The following UNC13C variants were observed in gnomAD, a reference collection of about 807,000 sequenced individuals.
UNC13C encodes the protein unc-13 homolog C.
Under a neutral mutation model 245.4 loss-of-function variants are expected in UNC13C, and 174 were observed. That is an observed-to-expected ratio of 0.71 (90% CI 0.63 to 0.80). The LOEUF (loss-of-function observed/expected upper bound fraction) is 0.80. UNC13C is among the 30% of genes least tolerant of loss of function. The pLI is 0.00. For synonymous variants in UNC13C, 992 were observed against 895.1 expected (o/e 1.11, Z -1.93); for missense variants, 2,829 against 2,602.9 (o/e 1.09, Z -1.89).
intron 22 of UNC13C, among the ~76,000 whole-genome samples, chr15:54,505,786 A>G (rs1361838289): frequency 7.7e-6 from 1 of 129,420 alleles, no homozygotes; most frequent in Admixed American, 9.3e-5. Context: ...TCTGTCGCCC[A>G]GGCTGGATAT....
rs774890157 is a variant in UNC13C at position 54,500,153 on chromosome 15, TG to T, written c.5138del (p.Gly1713GlufsTer28). 6 of 1,610,614 alleles carry T rather than the reference TG, an allele frequency of 3.7e-6. No homozygotes were observed. The highest frequency in any genetic ancestry group is 8.5e-7 in the Non-Finnish European group (1 of 1,178,786). The stretch of plus-strand genomic sequence containing the variant: ...TCAATGGAATTCCTTCATGGAGCAC[TG>T]GGAAGAGACAAAAAAGATGGAGTGA... ...DVSMEFLHGALGRDKKDGFQQ... is the reference protein window; with the variant it reads ...DVSMEFLHGAXGRDKKDGFQQ... On this transcript the variant is annotated frameshift_variant, in exon 21 of 33. Transcript: ENST00000260323. LOFTEE classifies it high-confidence loss of function.
intron 2 of UNC13C, among the ~76,000 whole-genome samples, chr15:54,119,363 G>A (rs1449052773): frequency 1.3e-5 from 2 of 152,048 alleles, no homozygotes; most frequent in Admixed American, 6.6e-5. Flanking sequence ...GTGTATTATA[G>A]TGATCTGTGA....
At chr15:54,012,048 A>G (rs1895403713) in intron 1 of UNC13C, among the ~76,000 whole-genome samples, 1 of 152,216 alleles carries the variant, frequency 6.6e-6, no homozygotes, top group African/African-American at 2.4e-5. Context: ...TTGAGTTCCT[A>G]CTAATATGAG....
intron 4 of UNC13C, among the ~76,000 whole-genome samples, chr15:54,187,492 T>A (rs1018134925): frequency 2.6e-5 from 4 of 152,110 alleles, no homozygotes. Context: ...CACACTAGGT[T>A]TCAGTTTCTA....
intron 2 of UNC13C, among the ~76,000 whole-genome samples, chr15:54,114,516 A>G (rs974949235): frequency 2.6e-5 from 4 of 152,162 alleles, no homozygotes; most frequent in African/African-American, 4.8e-5. Context: ...AACTACTCAC[A>G]TGGATGCCTA....
intron 4 of UNC13C, among the ~76,000 whole-genome samples, chr15:54,199,560 A>G (rs953662510): frequency 2.6e-5 from 4 of 152,170 alleles, no homozygotes; most frequent in African/African-American, 4.8e-5. Context: ...AAAAACAATT[A>G]TAAGCCAAGA....
chr15:54,200,462 T>C (rs967222364), intron 4 of UNC13C, among the ~76,000 whole-genome samples: 1 of 151,906 alleles, frequency 6.6e-6, no homozygotes, highest in Non-Finnish European at 1.5e-5. Flanking sequence ...TTTAAAACCA[T>C]TGAAATTGTG....
intron 30 of UNC13C, among the ~76,000 whole-genome samples, chr15:54,609,897 A>T (rs1899982838): frequency 2.6e-5 from 4 of 152,216 alleles, no homozygotes; most frequent in Admixed American, 2.6e-4. Flanking sequence ...GACAGGAAAG[A>T]GAAATGCTGA....
chr15:54,027,931 A>C (rs551059951), intron 2 of UNC13C, among the ~76,000 whole-genome samples: 1 of 152,096 alleles, frequency 6.6e-6, no homozygotes, highest in Non-Finnish European at 1.5e-5. Context: ...TCCCACCCCT[A>C]TCAGCCATGC....
At chr15:54,304,653 T>TAAAAAA (rs55692010) in intron 13 of UNC13C, among the ~76,000 whole-genome samples, 4 of 123,340 alleles carry the variant, frequency 3.2e-5, no homozygotes, top group Non-Finnish European at 6.7e-5. Context: ...GAGATGTAAC[T>TAAAAAA]AAAAAAAAAA....
intron 1 of UNC13C, among the ~76,000 whole-genome samples, chr15:53,981,319 A>G (rs577263278): frequency 6.6e-6 from 1 of 152,240 alleles, no homozygotes; most frequent in East Asian, 1.9e-4. Flanking sequence ...GAATTTTTGA[A>G]GACATTAGAA....
chr15:53,980,320 T>C (rs1893876776), intron 1 of UNC13C, among the ~76,000 whole-genome samples: 1 of 152,316 alleles, frequency 6.6e-6, no homozygotes, highest in South Asian at 2.1e-4. Context: ...TAGGCAATTC[T>C]TGATACCAGA....
At position 54,183,937 on chromosome 15, in the gene UNC13C, C is replaced by T. The variant is rs139832314; in HGVS notation, c.3071+40253C>T. 7.3e-3 allele frequency among the ~76,000 whole-genome samples: 1,104 copies of T among 151,702 alleles called. 12 individuals are homozygous for T. The highest frequency in any genetic ancestry group is 9.3e-3 in the Non-Finnish European group (630 of 67,946). On this transcript the variant is annotated intron_variant, in intron 4 of 32. Coordinates refer to ENST00000260323, the MANE Select transcript of UNC13C (RefSeq NM_001080534.3). ...GCTATGCCTTAAATATTTAATAGCT[C>T]GCTTACTTGGGGAAAGGACATTCAA...
At chr15:54,410,336 T>C (rs1012332157) in intron 18 of UNC13C, among the ~76,000 whole-genome samples, 1 of 152,170 alleles carries the variant, frequency 6.6e-6, no homozygotes, top group Non-Finnish European at 1.5e-5. Context: ...CTTTACTCTG[T>C]TGATAGTTTC....
intron 17 of UNC13C, among the ~76,000 whole-genome samples, chr15:54,375,154 A>G (rs561700976): frequency 1.1e-4 from 17 of 152,310 alleles, no homozygotes; most frequent in African/African-American, 4.1e-4. Flanking sequence ...TATGTGTGTA[A>G]TTGACTGCAC....
intron 25 of UNC13C, among the ~76,000 whole-genome samples, chr15:54,530,587 G>A (rs1274217978): frequency 6.6e-6 from 1 of 152,058 alleles, no homozygotes; most frequent in Non-Finnish European, 1.5e-5. Context: ...AACAATAAGG[G>A]AACAGAGATG....
the UNC13C span, among the ~76,000 whole-genome samples, chr15:53,866,616 G>T: frequency 6.6e-6 from 1 of 152,134 alleles, no homozygotes; most frequent in Non-Finnish European, 1.5e-5. Context: ...CCCCTGACCC[G>T]CAGGCACCAG....
chr15:54,004,813 A>G (rs115573653), intron 1 of UNC13C, among the ~76,000 whole-genome samples: 1,798 of 152,294 alleles, frequency 0.012, 43 homozygotes, highest in African/African-American at 0.041. Context: ...TTCTTTTGAT[A>G]AATGTCTATT....
chr15:54,021,808 C>G (rs1171693420), intron 2 of UNC13C, among the ~76,000 whole-genome samples: 1 of 152,094 alleles, frequency 6.6e-6, no homozygotes, highest in Non-Finnish European at 1.5e-5. Flanking sequence ...TTTACTGTAC[C>G]TTTTCTATCT....
Sources: gnomAD v4.1 joint callset for allele counts (sites outside exome capture counted in the v4.1 genomes callset) on GRCh38, gnomAD v4.1.1 for gene constraint, MANE v1.5 for transcripts, NCBI Gene and HGNC (gene_info 2026-07-23, HGNC 2026-07-21) for gene names.